Variants in HAS3 observed in about 807,000 individuals in gnomAD.
The protein encoded by HAS3 is HA synthase 3.
Under a neutral mutation model 50.3 loss-of-function variants are expected in HAS3, and 27 were observed. That is an observed-to-expected ratio of 0.54 (90% confidence interval 0.40 to 0.74). HAS3 has a LOEUF of 0.74. HAS3 is among the 30% of genes least tolerant of loss of function. The pLI, the probability that HAS3 is intolerant of heterozygous loss-of-function variation, is 0.00. For synonymous variants in HAS3, 339 were observed against 310.9 expected (o/e 1.09, Z -0.95); for missense variants, 517 against 742.8 (o/e 0.70, Z 3.53).
At chr16:69,096,087 G>A in the HAS3 span, among the ~76,000 whole-genome samples, 3 of 151,632 alleles carry the variant, frequency 2.0e-5, no homozygotes, top group East Asian at 1.9e-4. Context: ...ACACTGGTGC[G>A]TGCCTGTAAT....
the HAS3 span, among the ~76,000 whole-genome samples, chr16:69,089,480 G>A: frequency 6.6e-6 from 1 of 152,204 alleles, no homozygotes; most frequent in African/African-American, 2.4e-5. Context: ...GGGCCTGGCT[G>A]TGTCCTCAGC....
chr16:69,098,150 G>A, the HAS3 span, among the ~76,000 whole-genome samples: 3 of 152,096 alleles, frequency 2.0e-5, no homozygotes, highest in South Asian at 2.1e-4. Flanking sequence ...TTGGGAGGCC[G>A]AGGCGGGAGG....
In HAS3 at chr16:69,114,851, T is replaced by C. The variant is rs1166922364; in HGVS notation, c.1247T>C (p.Val416Ala). The part of the protein sequence containing the change: ...IWNILLFLLT[V>A]QLVGIIKATY... ...AACATTCTCCTCTTCCTGCTGACGG[T>C]GCAGCTGGTGGGCATTATCAAGGCC... The change falls in exon 4 of 4, where the codon GTG (valine) becomes GCG (alanine). Residue 416 changes from valine (V) to alanine (A), a missense_variant. Coordinates refer to ENST00000569188, the MANE Select transcript of HAS3 (RefSeq NM_001199280.2). The surrounding 1 kb of genome is among the most constrained non-coding windows in gnomAD (Gnocchi z 6.4). 2 of 1,614,076 alleles carry C rather than the reference T, an allele frequency of 1.2e-6. No homozygotes were observed. Among genetic ancestry groups the C allele is most frequent in the South Asian group, 1.1e-5 (1 of 91,078 alleles).
chr16:69,114,927 C>G lies in HAS3; in HGVS notation c.1323C>G (p.Leu441=). ...RGNAEMIFMS[L]YSLLYMSSLL... ...ATGCAGAGATGATCTTCATGTCCCT[C>G]TACTCCCTCCTCTATATGTCCAGCC... Residue 441 remains leucine (L), a synonymous_variant, in exon 4 of 4, where the codon CTC becomes CTG. Transcript: ENST00000569188. The surrounding 1 kb of genome is among the most constrained non-coding windows in gnomAD (Gnocchi z 6.4). 1 of 1,614,144 alleles carries G rather than the reference C, an allele frequency of 6.2e-7. No homozygotes were observed. Among genetic ancestry groups the G allele is most frequent in the Non-Finnish European group, 8.5e-7 (1 of 1,180,036 alleles).
chr16:69,110,743 CTCAAG>C (rs1435231604), intron 2 of HAS3, among the ~76,000 whole-genome samples: 2 of 152,216 alleles, frequency 1.3e-5, no homozygotes, highest in East Asian at 3.8e-4. Context: ...GGCCGTCTGT[CTCAAG>C]TCTTCTCTTA....
In HAS3 at chr16:69,116,912, G is replaced by A. The variant is rs1029094554; in HGVS notation, c.*1646G>A. ...CAGCAGACAAGAGGGCAAGCCTCTA[G>A]TGTACCAAGTGCTTCCTACAAAGAC... is the stretch of plus-strand genomic sequence containing the variant. On this transcript the variant is annotated 3_prime_UTR_variant, in exon 4 of 4. Transcript: ENST00000569188. 8.1e-6 allele frequency: 8 copies of A among 985,450 alleles called. No individual in the cohort carries two copies. Among genetic ancestry groups the A allele is most frequent in the Non-Finnish European group, 9.6e-6 (8 of 829,932 alleles). The allele number at this position is 985,450 out of a possible 1,614,324, so 61.0% of individuals were successfully genotyped here.
the HAS3 span, among the ~76,000 whole-genome samples, chr16:69,092,526 A>C: frequency 6.6e-6 from 1 of 150,562 alleles, no homozygotes; most frequent in East Asian, 2.0e-4. Context: ...TCACTAGCCC[A>C]GGAGGCAGAG....
rs147999236 is a variant in HAS3 at position 69,109,536 on chromosome 16, G to A, written c.141G>A (p.Leu47=). Reference sequence around the variant, plus strand: ...AAAAGCACTACCTGTCCTTCGGCCTGTACGGCGCCATCCTGGGCCTGCACC... The same window carrying A: ...AAAAGCACTACCTGTCCTTCGGCCTATACGGCGCCATCCTGGGCCTGCACC... The part of the protein sequence containing the change: ...HTEKHYLSFG[L]YGAILGLHLL... The change falls in exon 2 of 4, where the codon CTG becomes CTA. Residue 47 remains leucine, a synonymous_variant. Coordinates refer to ENST00000569188, the MANE Select transcript of HAS3 (RefSeq NM_001199280.2). This position sits in a 1 kb window ranked among gnomAD's most constrained non-coding sequence, Gnocchi z 5.3. 8.7e-6 allele frequency: 14 copies of A among 1,613,844 alleles called. No homozygotes were observed. Among genetic ancestry groups the A allele is most frequent in the East Asian group, 2.2e-5 (1 of 44,890 alleles).
chr16:69,103,197 A>C (rs1289186233), upstream of HAS3, among the ~76,000 whole-genome samples: 2 of 152,196 alleles, frequency 1.3e-5, no homozygotes, highest in African/African-American at 4.8e-5. Context: ...TTTGCTCTCC[A>C]CCAGGCTGAT....
At chr16:69,110,178 G>A (rs924033153) in intron 2 of HAS3, 147 bp downstream of exon 2, 15 of 796,616 alleles carry the variant, frequency 1.9e-5, no homozygotes, top group Non-Finnish European at 2.7e-5. Flanking sequence ...GTGGCCGGGC[G>A]CGGTGGCTCA....
rs1469808357 is a variant in HAS3, at chr16:69,116,202, C to T, written c.*936C>T. 1 of 985,422 alleles carries T rather than the reference C, an allele frequency of 1.0e-6. No homozygotes were observed. 61.0% of individuals were successfully genotyped at this position (985,422 alleles called of 1,614,324 possible). A position where few individuals can be genotyped will look rare whatever the true frequency, so the allele number is the denominator to read the frequency against. On this transcript the variant is annotated 3_prime_UTR_variant, in exon 4 of 4. Coordinates refer to ENST00000569188, the MANE Select transcript of HAS3 (RefSeq NM_001199280.2). ...GACACACTCCCCACTTCACTTTCTT[C>T]AAAGCCACATTTTTTGAGGTATCAC...
At chr16:69,113,381 T>TG in intron 2 of HAS3, 60 bp from the exon 3 acceptor site, 2 of 1,069,374 alleles carry the variant, frequency 1.9e-6, no homozygotes, top group Non-Finnish European at 2.9e-6. Flanking sequence ...GGCAGTGGGG[T>TG]GGGGGACAGG....
chr16:69,099,467 A>G, the HAS3 span, among the ~76,000 whole-genome samples: 6 of 151,960 alleles, frequency 3.9e-5, no homozygotes, highest in African/African-American at 1.2e-4. Flanking sequence ...AGCTGGGACT[A>G]CAGGTGCACA....
At chr16:69,103,002 CATGTGTGT>C (rs1414513824), upstream of HAS3, among the ~76,000 whole-genome samples, 11 of 115,170 alleles carry the variant, frequency 9.6e-5, no homozygotes, top group East Asian at 6.7e-4. Flanking sequence ...GTGGAGTGTG[CATGTGTGT>C]GTGTGTGTGT....
At chr16:69,112,228 G>C (rs1961026892) in intron 2 of HAS3, among the ~76,000 whole-genome samples, 1 of 152,252 alleles carries the variant, frequency 6.6e-6, no homozygotes, top group South Asian at 2.1e-4. Context: ...GAGACCAGCA[G>C]AACAGCAGCA....
the HAS3 span, among the ~76,000 whole-genome samples, chr16:69,099,263 G>A: frequency 6.6e-6 from 1 of 151,774 alleles, no homozygotes; most frequent in African/African-American, 2.4e-5. Context: ...GAGCCACCGC[G>A]CCCGGCCAAA....
the HAS3 span, among the ~76,000 whole-genome samples, chr16:69,098,165 C>T: frequency 1.3e-5 from 2 of 152,062 alleles, no homozygotes; most frequent in South Asian, 4.1e-4. Flanking sequence ...GGGAGGATCA[C>T]GAGGTCAGGA....
the HAS3 span, among the ~76,000 whole-genome samples, chr16:69,090,979 A>G: frequency 2.0e-5 from 3 of 152,180 alleles, no homozygotes; most frequent in Non-Finnish European, 2.9e-5. Context: ...CCCAGATTAC[A>G]TGACCAGTAA....
chr16:69,096,853 G>A, the HAS3 span, among the ~76,000 whole-genome samples: 3 of 151,954 alleles, frequency 2.0e-5, no homozygotes, highest in East Asian at 1.9e-4. Flanking sequence ...TCCTGACCTC[G>A]TGATCCGCCC....
Sources: gnomAD v4.1 joint callset for allele counts (sites outside exome capture counted in the v4.1 genomes callset) on GRCh38, gnomAD v4.1.1 for gene constraint, Gnocchi (gnomAD v3.1) non-coding constraint, MANE v1.5 for transcripts, NCBI Gene and HGNC (gene_info 2026-07-23, HGNC 2026-07-21) for gene names.